CEACAM21: variants seen among roughly 807,000 people sequenced by gnomAD.
The protein encoded by CEACAM21 is CEA cell adhesion molecule 21.
A neutral mutation model predicts 33.2 loss-of-function variants in CEACAM21; 38 were observed. That is an observed-to-expected ratio of 1.14 (90% CI 0.88 to 1.50). The LOEUF is 1.50. CEACAM21 is among the 40% of genes most tolerant of loss of function. The probability of loss-of-function intolerance (pLI) is 0.00; values close to 1 mark genes in which losing one functional copy is unlikely to be tolerated. For synonymous variants in CEACAM21, 156 were observed against 143.0 expected (o/e 1.09, Z -0.65); for missense variants, 385 against 364.6 (o/e 1.06, Z -0.46).
At chr19:41,570,747 G>A (rs1176023852) in intron 2 of CEACAM21, among the ~76,000 whole-genome samples, 1 of 152,196 alleles carries the variant, frequency 6.6e-6, no homozygotes, top group African/African-American at 2.4e-5. Context: ...AGTAAAAGCA[G>A]CCACATTTGT....
intron 1 of CEACAM21, among the ~76,000 whole-genome samples, chr19:41,563,227 G>A (rs933816408): frequency 1.3e-5 from 2 of 152,298 alleles, no homozygotes; most frequent in East Asian, 3.9e-4. Flanking sequence ...TCTTAAGGTG[G>A]GTGAAGATAG....
intron 2 of CEACAM21, among the ~76,000 whole-genome samples, chr19:41,566,612 A>C (rs951903432): frequency 6.6e-5 from 10 of 152,150 alleles, no homozygotes; most frequent in African/African-American, 2.2e-4. Context: ...TTTGTAAGTG[A>C]GATTGGTCTA....
chr19:41,554,164 T>G (rs899598800), intron 1 of CEACAM21, among the ~76,000 whole-genome samples: 2 of 152,168 alleles, frequency 1.3e-5, no homozygotes, highest in Admixed American at 1.3e-4. Flanking sequence ...CTGTCCTGCT[T>G]GATATCAATG....
At chr19:41,553,389 C>T (rs2041342358) in intron 1 of CEACAM21, among the ~76,000 whole-genome samples, 1 of 152,046 alleles carries the variant, frequency 6.6e-6, no homozygotes, top group Non-Finnish European at 1.5e-5. Context: ...CAGGAGTGAG[C>T]CACTGCACCC....
In CEACAM21 at chr19:41,577,227, C is replaced by G. The variant is rs1555791437; in HGVS notation, c.92C>G (p.Pro31Arg). The G allele has an allele frequency of 1.9e-6, 3 of 1,613,630 alleles. No individual in the cohort carries two copies. The African/African-American group carries it at 4.0e-5, about 22-fold the overall frequency. ...TASLLTFWNA[P>R]TTAWLFIASA... ...TCACTTTTAACTTTCTGGAACGCAC[C>G]CACCACTGCCTGGCTCTTTATTGCA... Residue 31 changes from proline (P) to arginine (R), a missense_variant, in exon 2 of 7, where the codon CCC becomes CGC. By Grantham distance (103) the Pro-to-Arg change is moderately radical (BLOSUM62 -2). Transcript: ENST00000401445.
intron 3 of CEACAM21, among the ~76,000 whole-genome samples, 161 bp downstream of exon 3, chr19:41,579,789 C>G (rs1423208629): frequency 1.3e-5 from 2 of 152,148 alleles, no homozygotes; most frequent in Admixed American, 6.5e-5. Context: ...AGTTATCATC[C>G]TGGTTACAAT....
intron 2 of CEACAM21, among the ~76,000 whole-genome samples, chr19:41,570,459 C>T (rs1290516394): frequency 6.6e-6 from 1 of 152,134 alleles, no homozygotes; most frequent in Non-Finnish European, 1.5e-5. Context: ...CATTATCTGA[C>T]TTTATGTGAA....
intron 2 of CEACAM21, among the ~76,000 whole-genome samples, chr19:41,577,842 C>G (rs886398736): frequency 5.9e-5 from 9 of 152,210 alleles, no homozygotes; most frequent in African/African-American, 2.2e-4. Flanking sequence ...TTGGCCTCCT[C>G]CTCATAGACA....
Position 41,577,158 on chromosome 19 carries a change from T to C in CEACAM21, c.65-42T>C, listed in dbSNP as rs782702671. On this transcript the variant is annotated intron_variant, in intron 1 of 6. Transcript: ENST00000401445. The stretch of plus-strand genomic sequence containing the variant: ...CCAGGACCCCGTCTTTCCATGCCAA[T>C]GCATAGGTCAAATATTGACTGATAT... 3 of 1,612,072 alleles carry C rather than the reference T, an allele frequency of 1.9e-6. No individual in the cohort carries two copies. In the South Asian group the frequency reaches 3.3e-5, roughly 18 times the overall value.
chr19:41,571,635 T>G (rs1464463310), upstream of CEACAM21, among the ~76,000 whole-genome samples: 2 of 152,262 alleles, frequency 1.3e-5, no homozygotes, highest in Admixed American at 1.3e-4. Flanking sequence ...TCTGTTTATG[T>G]TCAAATTTGT....
chr19:41,577,426 T>A lies in CEACAM21; in HGVS notation c.291T>A (p.Gly97=). The change falls in exon 2 of 7, where the codon GGT becomes GGA. Residue 97 remains glycine, a synonymous_variant. Transcript: ENST00000401445. ...GGACTCCAGGGCCTGCATACAGCGG[T>A]CGAGAGACAATATCACCCAGTGGAG... ...HVRTPGPAYS[G]RETISPSGDL... is the part of the protein sequence containing the mutation. 1 of 1,614,084 alleles carries A rather than the reference T, an allele frequency of 6.2e-7. No individual in the cohort carries two copies. Among genetic ancestry groups the A allele is most frequent in the Non-Finnish European group, 8.5e-7 (1 of 1,180,018 alleles).
At chr19:41,580,317 G>A (rs1231161788) in intron 3 of CEACAM21, among the ~76,000 whole-genome samples, 7 of 151,928 alleles carry the variant, frequency 4.6e-5, no homozygotes, top group African/African-American at 1.7e-4. Flanking sequence ...TGATGGGGGG[G>A]GGTTTCTCCC....
At position 41,577,212 on chromosome 19, in the gene CEACAM21, C is replaced by T. The variant is rs1313338234; in HGVS notation, c.77C>T (p.Thr26Ile). The T allele has an allele frequency of 1.1e-5, 17 of 1,613,974 alleles. No homozygotes were observed. The highest frequency in any genetic ancestry group is 8.3e-5 in the Admixed American group (5 of 59,992). ...QGLLLTASLLTFWNAPTTAWL... is the reference protein window; with the variant it reads ...QGLLLTASLLIFWNAPTTAWL... ...CTCCCTTTCCTAGCCTCACTTTTAA[C>T]TTTCTGGAACGCACCCACCACTGCC... The change falls in exon 2 of 7, where the codon ACT becomes ATT. Residue 26 changes from threonine (T) to isoleucine (I), a missense_variant. Physicochemically the swap from Thr to Ile is moderately conservative, Grantham distance 89. Coordinates refer to ENST00000401445, the MANE Select transcript of CEACAM21 (RefSeq NM_001098506.4).
chr19:41,564,628 C>T (rs1361109509), intron 1 of CEACAM21: 1 of 152,238 alleles, frequency 6.6e-6, no homozygotes, highest in African/African-American at 2.4e-5. Flanking sequence ...TGATCCCCTC[C>T]CCTGTCTCTT....
intron 1 of CEACAM21, among the ~76,000 whole-genome samples, chr19:41,559,639 A>G (rs1555786340): frequency 6.6e-6 from 1 of 152,260 alleles, no homozygotes; most frequent in Non-Finnish European, 1.5e-5. Flanking sequence ...AAGTTCCAGC[A>G]GGATTATTAA....
Position 41,564,039 on chromosome 19 carries a change from A to C in CEACAM21, c.-778-643A>C, listed in dbSNP as rs569231979. Among the ~76,000 whole-genome samples, 381 of 152,354 alleles carry C rather than the reference A, an allele frequency of 2.5e-3. 1 individual carries two copies. Among genetic ancestry groups the C allele is most frequent in the African/African-American group, 8.9e-3 (369 of 41,580 alleles). On this transcript the variant is annotated intron_variant, in intron 1 of 7. Coordinates refer to the CEACAM21 transcript ENST00000407170. ...TACTGGGCAGGATCGCCATGGCAAC[A>C]ACACATCATCACCAGGGTAAACCTA... is the stretch of plus-strand genomic sequence containing the variant.
chr19:41,554,528 G>A (rs1219539368), intron 1 of CEACAM21, among the ~76,000 whole-genome samples: 1 of 151,956 alleles, frequency 6.6e-6, no homozygotes. Flanking sequence ...TAGAAATATA[G>A]CCCAAAGAAA....
At chr19:41,559,083 T>C (rs1221639737) in intron 1 of CEACAM21, among the ~76,000 whole-genome samples, 1 of 152,212 alleles carries the variant, frequency 6.6e-6, no homozygotes, top group Non-Finnish European at 1.5e-5. Context: ...TATAGACTAT[T>C]TGAACAATGT....
chr19:41,585,738 C>T, intron 5 of CEACAM21, 102 bp from the exon 6 acceptor site: 1 of 1,268,224 alleles, frequency 7.9e-7, no homozygotes, highest in Non-Finnish European at 1.1e-6. Flanking sequence ...GAGAAAGGCT[C>T]CCTCTCCCCA....
Sources: allele counts gnomAD v4.1 joint callset (sites outside exome capture counted in the v4.1 genomes callset), GRCh38; gene constraint gnomAD v4.1.1; transcripts MANE v1.5; gene names NCBI Gene and HGNC (gene_info 2026-07-23, HGNC 2026-07-21).